NSMCE1: variants seen among roughly 807,000 people sequenced by gnomAD.
NSMCE1 encodes NSE1 component of SMC5/6 complex, also known as non-structural maintenance of chromosomes element 1 homolog.
Under a neutral mutation model 29.6 loss-of-function variants are expected in NSMCE1, and 18 were observed. The observed-to-expected ratio is 0.61, with a 90% confidence interval of 0.42 to 0.90. The LOEUF (loss-of-function observed/expected upper bound fraction) is 0.90. Among genes scored for constraint, NSMCE1 ranks in the 40% least tolerant of loss-of-function variants. The pLI is 0.00. For missense variants in NSMCE1, 314 were observed against 343.6 expected, an observed-to-expected ratio of 0.91 and a Z score of 0.68; for synonymous variants, 124 against 133.4, an observed-to-expected ratio of 0.93 and a Z score of 0.49.
intron 2 of NSMCE1, among the ~76,000 whole-genome samples, chr16:27,236,785 C>G (rs183655500): frequency 6.6e-6 from 1 of 152,152 alleles, no homozygotes; most frequent in African/African-American, 2.4e-5. Flanking sequence ...AACAGTCCCA[C>G]AGGAAAAGGC....
chr16:27,245,550 G>A (rs113010419), intron 2 of NSMCE1, among the ~76,000 whole-genome samples: 34 of 152,298 alleles, frequency 2.2e-4, no homozygotes, highest in African/African-American at 7.7e-4. Flanking sequence ...CATGAAGAAC[G>A]GGCAGGACTT....
intron 2 of NSMCE1, among the ~76,000 whole-genome samples, chr16:27,251,165 T>A (rs1278753925): frequency 1.6e-5 from 1 of 63,074 alleles, no homozygotes; most frequent in African/African-American, 1.9e-4. Flanking sequence ...TTAAAATATA[T>A]ATATATATAT....
intron 2 of NSMCE1, among the ~76,000 whole-genome samples, chr16:27,250,868 G>A (rs1458592134): frequency 7.3e-6 from 1 of 136,224 alleles, no homozygotes; most frequent in East Asian, 2.1e-4. Flanking sequence ...TTGAGATGGA[G>A]TTTTGCTCTT....
intron 2 of NSMCE1, among the ~76,000 whole-genome samples, chr16:27,254,285 T>C (rs151284611): frequency 5.0e-4 from 76 of 152,324 alleles, no homozygotes; most frequent in African/African-American, 1.8e-3. Flanking sequence ...AAATAGATTG[T>C]TCTACCCTGT....
intron 1 of NSMCE1, among the ~76,000 whole-genome samples, chr16:27,267,438 T>C (rs1246299809): frequency 1.3e-5 from 2 of 152,040 alleles, no homozygotes; most frequent in Admixed American, 1.3e-4. Flanking sequence ...GGGCACAAGG[T>C]GACACACAAG....
chr16:27,265,161 C>CTTTTTTTTTTT (rs5816427), intron 1 of NSMCE1, among the ~76,000 whole-genome samples: 35 of 82,690 alleles, frequency 4.2e-4, no homozygotes, highest in Non-Finnish European at 6.6e-4. Flanking sequence ...AATTCTTTTC[C>CTTTTTTTTTTT]TTTTTTTTTT....
intron 2 of NSMCE1, among the ~76,000 whole-genome samples, chr16:27,252,689 C>A (rs1280011439): frequency 2.6e-5 from 4 of 152,164 alleles, no homozygotes; most frequent in Non-Finnish European, 5.9e-5. Context: ...GAGGCGGAGG[C>A]AGGCGGATCA....
At position 27,225,104 on chromosome 16, in the gene NSMCE1, G is replaced by C. The variant is rs536919887; in HGVS notation, c.*53C>G. On this transcript the variant is annotated 3_prime_UTR_variant, in exon 8 of 8. Coordinates refer to ENST00000361439, the MANE Select transcript of NSMCE1 (RefSeq NM_145080.4). ...CACGGACGCCTTTCTTCCAAGAAGG[G>C]CTGTGGCGATCAGGCCACTCAAGGC... 1.0e-6 allele frequency: 1 copy of C among 1,001,292 alleles called. No individual in the cohort carries two copies. The highest frequency in any genetic ancestry group is 2.5e-5 in the East Asian group (1 of 39,594). The allele number at this position is 1,001,292 out of a possible 1,614,324, so 62.0% of individuals were successfully genotyped here.
chr16:27,265,375 C>T (rs915273654), intron 1 of NSMCE1, among the ~76,000 whole-genome samples: 7 of 151,788 alleles, frequency 4.6e-5, no homozygotes, highest in Non-Finnish European at 8.8e-5. Flanking sequence ...CACCTGTTGC[C>T]CCAGCTGGTC....
chr16:27,243,866 G>T (rs1322003613), intron 2 of NSMCE1, among the ~76,000 whole-genome samples: 6 of 152,192 alleles, frequency 3.9e-5, no homozygotes, highest in Non-Finnish European at 8.8e-5. Flanking sequence ...GCCCAGGCTG[G>T]TCTCAAACTC....
intron 2 of NSMCE1, chr16:27,241,962 G>C (rs760369441): frequency 8.0e-6 from 3 of 373,578 alleles, no homozygotes; most frequent in African/African-American, 4.2e-5. Flanking sequence ...ATGCAATCAC[G>C]AAAGGATGTG....
chr16:27,260,689 TC>T (rs2084144267), intron 1 of NSMCE1, among the ~76,000 whole-genome samples: 1 of 151,622 alleles, frequency 6.6e-6, no homozygotes, highest in African/African-American at 2.4e-5. Flanking sequence ...CAAAATCCCA[TC>T]TCCACAAAAA....
chr16:27,237,105 T>C (rs980809230), intron 2 of NSMCE1, among the ~76,000 whole-genome samples: 1 of 152,238 alleles, frequency 6.6e-6, no homozygotes, highest in African/African-American at 2.4e-5. Flanking sequence ...GTGACACTAA[T>C]GTGCCATGCT....
intron 5 of NSMCE1, among the ~76,000 whole-genome samples, chr16:27,229,132 T>G (rs1257144264): frequency 6.6e-6 from 1 of 152,244 alleles, no homozygotes; most frequent in Non-Finnish European, 1.5e-5. Flanking sequence ...TCGCAATCTT[T>G]GTGCTCAGAT....
Position 27,232,262 on chromosome 16 carries a change from C to T in NSMCE1, c.483+739G>A, listed in dbSNP as rs943639843. ...CTGGGAGGCACAGCTGTGGTCAACTCGGCAAACACTGAGCTGTTGAAAACA... is the reference window on the plus strand; with the variant it reads ...CTGGGAGGCACAGCTGTGGTCAACTTGGCAAACACTGAGCTGTTGAAAACA... On this transcript the variant is annotated intron_variant, in intron 5 of 7. Transcript: ENST00000361439. The surrounding 1 kb of genome is among the most constrained non-coding windows in gnomAD (Gnocchi z 4.5). 1.7e-4 allele frequency among the ~76,000 whole-genome samples: 26 copies of T among 152,162 alleles called. No homozygotes were observed. The highest frequency in any genetic ancestry group is 6.5e-5 in the Admixed American group (1 of 15,274).
intron 5 of NSMCE1, among the ~76,000 whole-genome samples, chr16:27,231,092 C>G (rs552317260): frequency 6.6e-6 from 1 of 152,232 alleles, no homozygotes; most frequent in African/African-American, 2.4e-5. Flanking sequence ...TTGGGGCACT[C>G]GGCTCTAGGG....
intron 5 of NSMCE1, chr16:27,230,747 C>G (rs2083753982): frequency 6.6e-6 from 1 of 152,346 alleles, no homozygotes; most frequent in Non-Finnish European, 1.5e-5. Flanking sequence ...CCCCCTGCTA[C>G]TTCTGCAGCG....
At chr16:27,247,533 CT>C (rs2141001740) in intron 2 of NSMCE1, among the ~76,000 whole-genome samples, 1 of 152,314 alleles carries the variant, frequency 6.6e-6, no homozygotes, top group South Asian at 2.1e-4. Context: ...TGTAATCCCT[CT>C]CACCTACCCA....
chr16:27,243,269 T>C (rs2083913289), intron 2 of NSMCE1, among the ~76,000 whole-genome samples: 1 of 152,224 alleles, frequency 6.6e-6, no homozygotes, highest in South Asian at 2.1e-4. Flanking sequence ...AATTCCGATG[T>C]GGGCAGGAAA....
Sources: allele counts gnomAD v4.1 joint callset (sites outside exome capture counted in the v4.1 genomes callset), GRCh38; gene constraint gnomAD v4.1.1; non-coding constraint Gnocchi (gnomAD v3.1); transcripts MANE v1.5; gene names NCBI Gene and HGNC (gene_info 2026-07-23, HGNC 2026-07-21).